TNN: variants seen among roughly 807,000 people sequenced by gnomAD.
TNN encodes tenascin N.
Under a neutral mutation model 134.4 loss-of-function variants are expected in TNN, and 122 were observed. That is an observed-to-expected ratio of 0.91 (90% CI 0.78 to 1.06). The LOEUF is 1.06. Among genes scored for constraint, TNN ranks in the 50% least tolerant of loss-of-function variants. The pLI is 0.00. For synonymous variants in TNN, 710 were observed against 670.3 expected (o/e 1.06, Z -0.91); for missense variants, 1,739 against 1,699.4 (o/e 1.02, Z -0.41).
intron 15 of TNN, among the ~76,000 whole-genome samples, chr1:175,132,618 C>G (rs1451813530): frequency 6.6e-6 from 1 of 152,176 alleles, no homozygotes; most frequent in Admixed American, 6.5e-5. Context: ...CTCATTTAGT[C>G]CTCCCAGAAG....
intron 2 of TNN, 40 bp from the exon 3 acceptor site, chr1:175,079,293 A>G: frequency 1.3e-6 from 2 of 1,540,370 alleles, no homozygotes; most frequent in Non-Finnish European, 1.7e-6. Context: ...CCCACGCACA[A>G]CCCTTCAACC....
At chr1:175,121,980 A>G (rs2101839025) in intron 11 of TNN, among the ~76,000 whole-genome samples, 1 of 152,358 alleles carries the variant, frequency 6.6e-6, no homozygotes, top group African/African-American at 2.4e-5. Context: ...ATGCAGTTGT[A>G]TAAACTAGTC....
chr1:175,142,001 T>C (rs1379893798), intron 17 of TNN, among the ~76,000 whole-genome samples: 1 of 152,166 alleles, frequency 6.6e-6, no homozygotes, highest in African/African-American at 2.4e-5. Flanking sequence ...TCTGCACAGA[T>C]TCTTAGAAAG....
In TNN at chr1:175,094,106, G is replaced by C. The variant is rs1450485735; in HGVS notation, c.1441G>C (p.Asp481His). 1 of 1,614,222 alleles carries C rather than the reference G, an allele frequency of 6.2e-7. No homozygotes were observed. Among genetic ancestry groups the C allele is most frequent in the South Asian group, 1.1e-5 (1 of 91,080 alleles). The change falls in exon 7 of 19, where the codon GAT (aspartate) becomes CAT (histidine). Residue 481 changes from aspartate to histidine, a missense_variant. By Grantham distance (81) the Asp-to-His change is moderately conservative. Transcript: ENST00000239462. ...DKYVVRYTSA[D>H]GDTKEMAVHK... is the part of the protein sequence containing the mutation. ...GTATGTAGTGCGCTACACTTCTGCT[G>C]ATGGGGACACCAAGGAAATGGCAGT...
rs1673861917 is a variant in TNN, at chr1:175,069,119, T to C, written c.-36+1184T>C. Among the ~76,000 whole-genome samples, 2 of 152,002 alleles carry C rather than the reference T, an allele frequency of 1.3e-5. 1 individual carries two copies. The highest frequency in any genetic ancestry group is 4.1e-4 in the South Asian group (2 of 4,820). On this transcript the variant is annotated intron_variant, in intron 1 of 18. Coordinates refer to ENST00000239462, the MANE Select transcript of TNN (RefSeq NM_022093.2). ...AAAAGAACAAGTTCCAACATAAAAG[T>C]AACAAACTGCCCACATTGGGACACA...
chr1:175,143,808 A>G (rs1173370335), intron 17 of TNN, among the ~76,000 whole-genome samples: 9 of 152,178 alleles, frequency 5.9e-5, no homozygotes, highest in African/African-American at 2.2e-4. Flanking sequence ...GATGATGAAA[A>G]TGGACGTCTA....
chr1:175,088,552 C>T (rs369375715), intron 6 of TNN, among the ~76,000 whole-genome samples: 15 of 152,260 alleles, frequency 9.9e-5, no homozygotes, highest in Admixed American at 7.8e-4. Context: ...TCTTGGCCTC[C>T]GTGGCCCACC....
chr1:175,130,161 C>T (rs1287833660), intron 15 of TNN, among the ~76,000 whole-genome samples: 1 of 152,222 alleles, frequency 6.6e-6, no homozygotes, highest in African/African-American at 2.4e-5. Context: ...CAGCCTTAAC[C>T]TGCTGTGCAT....
Position 175,102,527 on chromosome 1 carries a change from C to T in TNN, c.2119+3932C>T, listed in dbSNP as rs573442404. 8.2e-4 allele frequency among the ~76,000 whole-genome samples: 120 copies of T among 146,086 alleles called. 12 individuals carry two copies. The highest frequency in any genetic ancestry group is 1.6e-3 in the Admixed American group (24 of 14,632). On this transcript the variant is annotated intron_variant, in intron 9 of 18. Transcript: ENST00000239462. ...CTGCTGGGGGACCCAGTACACCCTC[C>T]GCAGCTGCTGGCCCGGGTGCTAAGC...
At chr1:175,144,288 G>T in intron 17 of TNN, 99 bp from the exon 18 acceptor site, 1 of 1,154,806 alleles carries the variant, frequency 8.7e-7, no homozygotes, top group Non-Finnish European at 1.2e-6. Context: ...CTGCATCTTT[G>T]GCATTTTCAT....
At chr1:175,099,585 G>GTC in intron 9 of TNN, among the ~76,000 whole-genome samples, 1 of 104,192 alleles carries the variant, frequency 9.6e-6, no homozygotes, top group African/African-American at 3.5e-5. Flanking sequence ...AGAGATGAGG[G>GTC]CTCAGGAGGA....
intron 11 of TNN, among the ~76,000 whole-genome samples, chr1:175,122,052 G>A (rs1675390867): frequency 6.6e-6 from 1 of 152,132 alleles, no homozygotes; most frequent in Admixed American, 6.5e-5. Flanking sequence ...TTAAAGCCAT[G>A]GGCATGAGTG....
intron 1 of TNN, among the ~76,000 whole-genome samples, chr1:175,074,688 A>G (rs951765312): frequency 1.3e-5 from 2 of 152,186 alleles, no homozygotes; most frequent in Non-Finnish European, 2.9e-5. Flanking sequence ...AGGAAGAGCC[A>G]TGAAGGAGTG....
intron 18 of TNN, among the ~76,000 whole-genome samples, chr1:175,146,252 G>A (rs1306434545): frequency 6.6e-6 from 1 of 152,176 alleles, no homozygotes; most frequent in Non-Finnish European, 1.5e-5. Flanking sequence ...TCCCATATTT[G>A]CTAATAAAAG....
intron 1 of TNN, among the ~76,000 whole-genome samples, chr1:175,071,068 C>CT (rs896907104): frequency 3.3e-5 from 5 of 152,216 alleles, no homozygotes; most frequent in African/African-American, 1.2e-4. Flanking sequence ...AGAATATCTT[C>CT]TTAAGTGACT....
In TNN at chr1:175,129,348, A is replaced by T. The variant is rs866276842; in HGVS notation, c.3330+602A>T. On this transcript the variant is annotated intron_variant, in intron 15 of 18. Transcript: ENST00000239462. Reference sequence around the variant, plus strand: ...AACATCTGGAGGCTAGGAATACCTAACTTTCTGGGAATGCAGCCCAGCAAG... The same window carrying T: ...AACATCTGGAGGCTAGGAATACCTATCTTTCTGGGAATGCAGCCCAGCAAG... 3.6e-4 allele frequency among the ~76,000 whole-genome samples: 54 copies of T among 152,102 alleles called. 1 individual carries two copies. Among genetic ancestry groups the T allele is most frequent in the African/African-American group, 1.3e-3 (52 of 41,508 alleles).
rs368657229 is a variant in TNN, at chr1:175,136,835, C to T, written c.3442C>T (p.His1148Tyr). 23 of 1,613,718 alleles carry T rather than the reference C, an allele frequency of 1.4e-5. No individual in the cohort carries two copies. Among genetic ancestry groups the T allele is most frequent in the Non-Finnish European group, 4.2e-6 (5 of 1,179,896 alleles). The change falls in exon 17 of 19, where the codon CAC becomes TAC. Residue 1148 changes from histidine to tyrosine, a missense_variant. His to Tyr is a moderately conservative substitution (Grantham distance 83). Coordinates refer to ENST00000239462, the MANE Select transcript of TNN (RefSeq NM_022093.2). ...KEFWLGLDKL[H>Y]NLTTGTPARY... is the part of the protein sequence containing the mutation. ...TTTATTTTTAGGACTTGACAAGCTA[C>T]ACAACCTCACCACCGGCACTCCAGC...
intron 15 of TNN, among the ~76,000 whole-genome samples, chr1:175,135,060 C>G (rs1675762428): frequency 6.6e-6 from 1 of 152,156 alleles, no homozygotes; most frequent in African/African-American, 2.4e-5. Context: ...CAACATTCAC[C>G]CCCGTGCTCT....
chr1:175,120,612 C>T (rs1002203478), intron 11 of TNN, among the ~76,000 whole-genome samples: 1 of 152,152 alleles, frequency 6.6e-6, no homozygotes, highest in Non-Finnish European at 1.5e-5. Context: ...AAAGTCAGGG[C>T]ATCACTGGGA....
Sources: allele counts gnomAD v4.1 joint callset (sites outside exome capture counted in the v4.1 genomes callset), GRCh38; gene constraint gnomAD v4.1.1; transcripts MANE v1.5; gene names NCBI Gene and HGNC (gene_info 2026-07-23, HGNC 2026-07-21).